NAALADL2: variants seen among roughly 807,000 people sequenced by gnomAD.
NAALADL2 encodes the protein N-acetylated alpha-linked acidic dipeptidase like 2.
NAALADL2 carries 76 observed loss-of-function variants against 87.2 expected under a neutral mutation model. That is an observed-to-expected ratio of 0.87 (90% CI 0.72 to 1.05). The LOEUF is 1.05. Ranked by LOEUF, NAALADL2 falls within the 50% of genes least tolerant of loss-of-function variation. The probability of loss-of-function intolerance (pLI) is 0.00; values close to 1 mark genes in which losing one functional copy is unlikely to be tolerated. For synonymous variants in NAALADL2, 354 were observed against 331.0 expected (o/e 1.07, Z -0.75); for missense variants, 1,089 against 945.8 (o/e 1.15, Z -1.99).
At chr3:175,307,386 A>G (rs3890822) in intron 4 of NAALADL2, among the ~76,000 whole-genome samples, 31,310 of 152,030 alleles carry the variant, frequency 0.21, 3,653 homozygotes, top group Middle Eastern at 0.26. Context: ...ATGTTAACGT[A>G]TGTTATGTAT....
chr3:175,693,712 T>C (rs1234488090), intron 11 of NAALADL2, among the ~76,000 whole-genome samples: 1 of 152,144 alleles, frequency 6.6e-6, no homozygotes, highest in African/African-American at 2.4e-5. Flanking sequence ...GGTTGGTTTG[T>C]TCGTTTTGAC....
At position 175,695,305 on chromosome 3, in the gene NAALADL2, T is replaced by G. The variant is rs185902827; in HGVS notation, c.1897-42001T>G. On this transcript the variant is annotated intron_variant, in intron 11 of 13. Coordinates refer to ENST00000454872, the MANE Select transcript of NAALADL2 (RefSeq NM_207015.3). ...TAAAGTTTATTTTTCCAATGTCTGT[T>G]GTAGTAATGTTCATAGTGAAGTTTA... 5.6e-3 allele frequency among the ~76,000 whole-genome samples: 845 copies of G among 152,236 alleles called. 6 individuals are homozygous for G. Among genetic ancestry groups the G allele is most frequent in the African/African-American group, 0.018 (742 of 41,564 alleles).
chr3:175,379,615 C>A (rs540076919), intron 5 of NAALADL2, among the ~76,000 whole-genome samples: 1 of 151,638 alleles, frequency 6.6e-6, no homozygotes, highest in African/African-American at 2.4e-5. Context: ...CTCACTGCAA[C>A]GTCTGCCTCC....
chr3:175,181,718 T>TGTGTGTGTATGTGC (rs1553802465), intron 2 of NAALADL2, among the ~76,000 whole-genome samples: 1 of 72,416 alleles, frequency 1.4e-5, no homozygotes, highest in Non-Finnish European at 2.9e-5. Context: ...TGTGTGTGTG[T>TGTGTGTGTATGTGC]ATATATATGT....
At chr3:175,747,193 A>G (rs533736310) in intron 12 of NAALADL2, among the ~76,000 whole-genome samples, 2 of 152,226 alleles carry the variant, frequency 1.3e-5, no homozygotes, top group East Asian at 1.9e-4. Context: ...CTTAATTATT[A>G]TCCTAAGCAC....
At chr3:175,223,842 A>G (rs981516251) in intron 2 of NAALADL2, among the ~76,000 whole-genome samples, 40 of 152,198 alleles carry the variant, frequency 2.6e-4, no homozygotes, top group Non-Finnish European at 5.6e-4. Flanking sequence ...CATTTAGGAA[A>G]GAAAGAGAAG....
chr3:175,657,241 T>A (rs1281494042), intron 11 of NAALADL2, among the ~76,000 whole-genome samples: 1 of 152,212 alleles, frequency 6.6e-6, no homozygotes, highest in Non-Finnish European at 1.5e-5. Context: ...ATGAATACAC[T>A]ATTAATATAA....
chr3:175,258,256 C>G (rs1462214519), intron 4 of NAALADL2, among the ~76,000 whole-genome samples: 1 of 147,208 alleles, frequency 6.8e-6, no homozygotes, highest in East Asian at 2.0e-4. Flanking sequence ...TGCAATGAGC[C>G]GAGATCACGC....
intron 2 of NAALADL2, among the ~76,000 whole-genome samples, chr3:174,654,237 C>T (rs1253773010): frequency 6.6e-6 from 1 of 152,092 alleles, no homozygotes; most frequent in African/African-American, 2.4e-5. Context: ...TTGTTAAGGT[C>T]TGAGTGTGTG....
intron 2 of NAALADL2, among the ~76,000 whole-genome samples, chr3:175,206,173 A>G (rs1031511118): frequency 1.3e-5 from 2 of 150,312 alleles, no homozygotes; most frequent in Non-Finnish European, 3.0e-5. Flanking sequence ...ACAATTCACA[A>G]TTGAAAAATC....
intron 1 of NAALADL2, among the ~76,000 whole-genome samples, chr3:174,956,838 T>C (rs1741217928): frequency 6.6e-6 from 1 of 151,978 alleles, no homozygotes; most frequent in African/African-American, 2.4e-5. Context: ...AGAAGTAGTT[T>C]CTAATGAGGA....
At chr3:175,117,960 T>C (rs1203206848) in intron 2 of NAALADL2, among the ~76,000 whole-genome samples, 1 of 152,026 alleles carries the variant, frequency 6.6e-6, no homozygotes, top group Non-Finnish European at 1.5e-5. Context: ...TTCATGTCCT[T>C]TGTAGGGACA....
intron 13 of NAALADL2, among the ~76,000 whole-genome samples, chr3:175,791,083 G>C (rs1425344276): frequency 6.6e-6 from 1 of 152,072 alleles, no homozygotes; most frequent in African/African-American, 2.4e-5. Flanking sequence ...AAGTTTCGCA[G>C]GTTATTCTCA....
chr3:175,075,346 C>T (rs554137307), intron 1 of NAALADL2, among the ~76,000 whole-genome samples: 1 of 152,250 alleles, frequency 6.6e-6, no homozygotes, highest in Admixed American at 6.5e-5. Flanking sequence ...TATGTTGTTA[C>T]ATATCAGTCT....
chr3:175,412,652 G>T (rs992883113), intron 5 of NAALADL2, among the ~76,000 whole-genome samples: 1 of 151,774 alleles, frequency 6.6e-6, no homozygotes, highest in African/African-American at 2.4e-5. Flanking sequence ...TCTCATTAAC[G>T]AATCAGTTCC....
chr3:175,605,079 C>T (rs1342887902), intron 10 of NAALADL2, among the ~76,000 whole-genome samples: 1 of 152,082 alleles, frequency 6.6e-6, no homozygotes, highest in Non-Finnish European at 1.5e-5. Context: ...TGAAGAAAGC[C>T]TTTTACCTTT....
At chr3:175,336,893 A>G (rs1438885468) in intron 5 of NAALADL2, among the ~76,000 whole-genome samples, 1 of 152,176 alleles carries the variant, frequency 6.6e-6, no homozygotes, top group African/African-American at 2.4e-5. Flanking sequence ...AGAATAGAAA[A>G]TGCAATTTTA....
At chr3:175,614,271 T>A (rs1441734354) in intron 10 of NAALADL2, among the ~76,000 whole-genome samples, 2 of 152,192 alleles carry the variant, frequency 1.3e-5, no homozygotes, top group Non-Finnish European at 2.9e-5. Flanking sequence ...CAGGCTGGTC[T>A]CGAACTCTTG....
chr3:175,637,583 GT>G (rs1475873700), intron 11 of NAALADL2, among the ~76,000 whole-genome samples: 1 of 152,074 alleles, frequency 6.6e-6, no homozygotes, highest in Non-Finnish European at 1.5e-5. Flanking sequence ...CACCTCCCCA[GT>G]CCCCTCTTGC....
Sources: allele counts gnomAD v4.1 joint callset (sites outside exome capture counted in the v4.1 genomes callset), GRCh38; gene constraint gnomAD v4.1.1; transcripts MANE v1.5; gene names NCBI Gene and HGNC (gene_info 2026-07-23, HGNC 2026-07-21).